Variants in CSMD3 observed in about 807,000 individuals in gnomAD.
The protein encoded by CSMD3 is CUB and Sushi multiple domains 3.
In CSMD3, 177 loss-of-function variants were observed where a neutral mutation model predicts 435.2. The observed-to-expected ratio is 0.41, with a 90% CI of 0.36 to 0.46. The LOEUF is 0.46. Ranked by LOEUF, CSMD3 falls within the 20% of genes least tolerant of loss-of-function variation. The pLI is 0.34. For missense variants in CSMD3, 4,265 were observed against 4,504.6 expected, an observed-to-expected ratio of 0.95 and a Z score of 1.52; for synonymous variants, 1,656 against 1,520.5, an observed-to-expected ratio of 1.09 and a Z score of -2.07.
intron 6 of CSMD3, among the ~76,000 whole-genome samples, chr8:112,992,792 T>G (rs1259030512): frequency 1.3e-5 from 2 of 151,660 alleles, no homozygotes; most frequent in Non-Finnish European, 2.9e-5. Context: ...TGTGTGCCTG[T>G]GTGTGTGTGC....
At chr8:112,856,800 A>G (rs375841483) in intron 11 of CSMD3, among the ~76,000 whole-genome samples, 2 of 151,920 alleles carry the variant, frequency 1.3e-5, no homozygotes, top group Non-Finnish European at 2.9e-5. Flanking sequence ...ATAAATGTAG[A>G]GGTATTAATC....
chr8:112,913,408 G>A (rs146838944), intron 10 of CSMD3, among the ~76,000 whole-genome samples: 308 of 151,810 alleles, frequency 2.0e-3, no homozygotes, highest in African/African-American at 6.1e-3. Context: ...CCACTTGCCC[G>A]CTGTTCACCT....
chr8:113,222,008 G>C (rs1205785904), intron 3 of CSMD3, among the ~76,000 whole-genome samples: 1 of 115,262 alleles, frequency 8.7e-6, no homozygotes, highest in African/African-American at 3.9e-5. Context: ...TGTTGACAAA[G>C]CAGTAAATGC....
chr8:112,707,485 G>T (rs915822863), intron 13 of CSMD3, among the ~76,000 whole-genome samples: 2 of 151,592 alleles, frequency 1.3e-5, no homozygotes, highest in Non-Finnish European at 2.9e-5. Flanking sequence ...TGGTGCGGCG[G>T]GAGGGGGGTG....
chr8:112,418,563 T>G (rs953148235), intron 32 of CSMD3, among the ~76,000 whole-genome samples: 1 of 152,168 alleles, frequency 6.6e-6, no homozygotes, highest in South Asian at 2.1e-4. Context: ...ATTTAAAGAT[T>G]ATTACAAGAT....
chr8:113,323,204 T>C (rs966246927), intron 1 of CSMD3, among the ~76,000 whole-genome samples: 1 of 152,218 alleles, frequency 6.6e-6, no homozygotes, highest in Non-Finnish European at 1.5e-5. Flanking sequence ...CCCATAAGAA[T>C]GTAAGTTTCA....
Position 112,975,894 on chromosome 8 carries a change from G to A in CSMD3, c.1285C>T (p.Pro429Ser), listed in dbSNP as rs778097639. The A allele has an allele frequency of 1.9e-6, 3 of 1,613,790 alleles. No individual in the cohort carries two copies. In the African/African-American group the frequency reaches 4.0e-5, roughly 22 times the overall value. ...PADTQSTRRR[P>S]RHAEQIERTK... The stretch of plus-strand genomic sequence containing the variant: ...CTTTCTATCTGTTCAGCATGTCTTG[G>A]TCTTCTCCTGGTACTTTGTGTATCT... The change falls in exon 7 of 71, where the codon CCA (proline) becomes TCA (serine). Residue 429 changes from proline to serine, a missense_variant. Pro to Ser is a moderately conservative substitution (Grantham distance 74). Transcript: ENST00000297405.
intron 3 of CSMD3, among the ~76,000 whole-genome samples, chr8:113,218,276 A>C (rs899407598): frequency 3.3e-5 from 5 of 151,016 alleles, no homozygotes; most frequent in Non-Finnish European, 7.4e-5. Flanking sequence ...ATGTAACTGA[A>C]GGAATTAAGG....
chr8:112,368,819 A>G (rs556288515), intron 38 of CSMD3, among the ~76,000 whole-genome samples: 14 of 152,132 alleles, frequency 9.2e-5, no homozygotes, highest in Non-Finnish European at 1.9e-4. Flanking sequence ...ATTATTTTCT[A>G]TAATTTTCCA....
intron 10 of CSMD3, among the ~76,000 whole-genome samples, chr8:112,911,365 A>G (rs932959809): frequency 1.2e-4 from 18 of 151,880 alleles, no homozygotes; most frequent in Non-Finnish European, 7.4e-5. Flanking sequence ...TAATTAATAT[A>G]CCCATCACCT....
At chr8:112,284,332 T>C (rs1818961469) in intron 58 of CSMD3, among the ~76,000 whole-genome samples, 1 of 151,890 alleles carries the variant, frequency 6.6e-6, no homozygotes, top group African/African-American at 2.4e-5. Context: ...CATGTTTTAT[T>C]ATAAATTATT....
intron 27 of CSMD3, among the ~76,000 whole-genome samples, chr8:112,526,540 C>G (rs1824985402): frequency 6.6e-6 from 1 of 151,926 alleles, no homozygotes; most frequent in Admixed American, 6.6e-5. Context: ...TTATTGGTTG[C>G]AATTATGAAT....
intron 22 of CSMD3, among the ~76,000 whole-genome samples, chr8:112,627,714 A>C (rs1365922937): frequency 1.3e-5 from 2 of 152,186 alleles, no homozygotes; most frequent in Non-Finnish European, 2.9e-5. Flanking sequence ...TTTTAATAAC[A>C]TGAGAATCAA....
At chr8:112,710,861 A>T (rs1587039125) in intron 13 of CSMD3, among the ~76,000 whole-genome samples, 1 of 150,894 alleles carries the variant, frequency 6.6e-6, no homozygotes, top group East Asian at 2.0e-4. Flanking sequence ...TTCGTAAGAG[A>T]TATTGCATAT....
chr8:112,463,021 C>T (rs890688911), intron 32 of CSMD3, among the ~76,000 whole-genome samples: 9 of 152,290 alleles, frequency 5.9e-5, no homozygotes, highest in Admixed American at 3.9e-4. Context: ...GTGAGTAACA[C>T]GGCTTTTCAT....
intron 5 of CSMD3, among the ~76,000 whole-genome samples, chr8:113,077,031 T>C (rs1206488114): frequency 1.3e-5 from 2 of 152,108 alleles, no homozygotes; most frequent in African/African-American, 4.8e-5. Context: ...GAGGGATCAT[T>C]GTGATGGACT....
intron 8 of CSMD3, among the ~76,000 whole-genome samples, chr8:112,952,338 T>A (rs2130819934): frequency 6.6e-6 from 1 of 151,810 alleles, no homozygotes; most frequent in South Asian, 2.1e-4. Context: ...TTATACTGAC[T>A]TTGGGCCGTG....
intron 7 of CSMD3, among the ~76,000 whole-genome samples, chr8:112,955,134 A>C (rs922779569): frequency 2.0e-5 from 3 of 151,754 alleles, no homozygotes; most frequent in African/African-American, 7.2e-5. Context: ...GAGTATTAGA[A>C]TAGTGGGAAG....
At chr8:113,186,089 C>G (rs2092496542) in intron 3 of CSMD3, among the ~76,000 whole-genome samples, 1 of 152,016 alleles carries the variant, frequency 6.6e-6, no homozygotes, top group African/African-American at 2.4e-5. Flanking sequence ...CAAATTAGCC[C>G]TCAGGAGAGC....
Sources: gnomAD v4.1 joint callset for allele counts (sites outside exome capture counted in the v4.1 genomes callset) on GRCh38, gnomAD v4.1.1 for gene constraint, MANE v1.5 for transcripts, NCBI Gene and HGNC (gene_info 2026-07-23, HGNC 2026-07-21) for gene names.